Variants in CASR observed in about 807,000 individuals in gnomAD.
The protein encoded by CASR is calcium sensing receptor.
Under a neutral mutation model 69.1 loss-of-function variants are expected in CASR, and 23 were observed. The observed-to-expected ratio is 0.33, with a 90% CI of 0.24 to 0.47. The LOEUF is 0.47. CASR is among the 20% of genes least tolerant of loss of function. The pLI is 1.00. For missense variants in CASR, 924 were observed against 1,356.1 expected (o/e 0.68, Z 5.00); for synonymous variants, 541 against 544.7 (o/e 0.99, Z 0.10).
chr3:122,211,306 A>C (rs1253999081), intron 1 of CASR, among the ~76,000 whole-genome samples: 2 of 152,228 alleles, frequency 1.3e-5, no homozygotes, highest in Non-Finnish European at 2.9e-5. Flanking sequence ...CAGACAACTT[A>C]CAGAATGGGA....
chr3:122,235,525 A>G (rs35458177), intron 1 of CASR, among the ~76,000 whole-genome samples: 1,875 of 152,314 alleles, frequency 0.012, 39 homozygotes, highest in African/African-American at 0.043. Context: ...TTGACAGGAA[A>G]CTGTTGTGTA....
chr3:122,236,001 A>G (rs2107611514), intron 1 of CASR, among the ~76,000 whole-genome samples: 1 of 152,330 alleles, frequency 6.6e-6, no homozygotes, highest in African/African-American at 2.4e-5. Flanking sequence ...CGTGTTTCTA[A>G]CAAGTTCCCA....
At chr3:122,211,193 C>T (rs2074061559) in intron 1 of CASR, among the ~76,000 whole-genome samples, 1 of 151,222 alleles carries the variant, frequency 6.6e-6, no homozygotes. Context: ...GATTTCATGA[C>T]AAAAATGTCA....
chr3:122,272,255 A>G (rs574122274), intron 4 of CASR, among the ~76,000 whole-genome samples: 35 of 152,330 alleles, frequency 2.3e-4, no homozygotes, highest in Non-Finnish European at 1.2e-4. Flanking sequence ...CAAGTTCTCT[A>G]CGTTTCAATC....
intron 1 of CASR, among the ~76,000 whole-genome samples, chr3:122,202,254 C>CA (rs1559936280): frequency 1.3e-5 from 2 of 152,224 alleles, no homozygotes; most frequent in South Asian, 2.1e-4. Context: ...CCGTCTCCAC[C>CA]AAAAAATCCG....
chr3:122,254,365 A>G lies in CASR; in HGVS notation c.176A>G (p.Glu59Gly). ...CTCAAATCAAGGCCGGAGTCTGTGG[A>G]ATGTATCAGGTAAGAAGAGGGGCCT... ...QDLKSRPESV[E>G]CIRYNFRGFR... The change falls in exon 2 of 7, where the codon GAA becomes GGA. Residue 59 changes from glutamate (E) to glycine (G), a missense_variant. Transcript: ENST00000639785. 5.6e-6 allele frequency: 9 copies of G among 1,614,122 alleles called. No individual in the cohort carries two copies. The highest frequency in any genetic ancestry group is 7.6e-6 in the Non-Finnish European group (9 of 1,179,972).
At chr3:122,196,100 A>G (rs1255234062) in intron 1 of CASR, among the ~76,000 whole-genome samples, 1 of 152,222 alleles carries the variant, frequency 6.6e-6, no homozygotes. Context: ...AATTGGCTAA[A>G]TAAAGCATGA....
intron 1 of CASR, among the ~76,000 whole-genome samples, chr3:122,246,081 C>T (rs566515372): frequency 5.3e-5 from 8 of 152,302 alleles, no homozygotes; most frequent in South Asian, 4.1e-4. Flanking sequence ...ATGATTCAAA[C>T]GTTCATGTGT....
chr3:122,219,114 G>A (rs34395935), intron 1 of CASR, among the ~76,000 whole-genome samples: 1 of 152,108 alleles, frequency 6.6e-6, no homozygotes, highest in East Asian at 1.9e-4. Flanking sequence ...GAAGATTTTG[G>A]ATTTTTTTAA....
At chr3:122,188,969 C>T (rs1026219673) in intron 1 of CASR, among the ~76,000 whole-genome samples, 6 of 152,132 alleles carry the variant, frequency 3.9e-5, no homozygotes, top group Admixed American at 6.5e-5. Context: ...GAAAAGCTGC[C>T]GAGAGCTTTA....
rs1252951509 is a variant in CASR, at chr3:122,261,957, C to A, written c.922C>A (p.Pro308Thr). The part of the protein sequence containing the change: ...AWASSSLIAM[P>T]QYFHVVGGTI... ...GGCCAGCTCCTCCCTGATCGCCATG[C>A]CTCAGTACTTCCACGTGGTTGGCGG... is the stretch of plus-strand genomic sequence containing the variant. The change falls in exon 4 of 7, where the codon CCT becomes ACT. Residue 308 changes from proline (P) to threonine (T), a missense_variant. Physicochemically the swap from Pro to Thr is conservative, Grantham distance 38. Transcript: ENST00000639785. The A allele has an allele frequency of 6.2e-7, 1 of 1,614,166 alleles. No homozygotes were observed. Among genetic ancestry groups the A allele is most frequent in the South Asian group, 1.1e-5 (1 of 91,084 alleles).
At chr3:122,204,846 T>C (rs1010602762) in intron 1 of CASR, among the ~76,000 whole-genome samples, 1 of 152,214 alleles carries the variant, frequency 6.6e-6, no homozygotes, top group African/African-American at 2.4e-5. Context: ...TATTTTTTCA[T>C]ATACTTGTCA....
chr3:122,254,242 C>T lies in CASR; in HGVS notation c.53C>T (p.Ser18Phe), dbSNP rs749748004. Residue 18 changes from serine (S) to phenylalanine (F), a missense_variant, in exon 2 of 7, where the codon TCT becomes TTT. Around this residue, in one of 8 missense-constraint regions of CASR, gnomAD observed 28 missense variants for 22.1 expected, o/e 1.27. Transcript: ENST00000639785. Reference sequence around the variant, plus strand: ...CTCTTGGCACTCACCTGGCACACCTCTGCCTACGGGCCAGACCAGCGAGCC... The same window carrying T: ...CTCTTGGCACTCACCTGGCACACCTTTGCCTACGGGCCAGACCAGCGAGCC... ...WVLLALTWHT[S>F]AYGPDQRAQK... is the part of the protein sequence containing the mutation. The T allele has an allele frequency of 1.2e-6, 2 of 1,613,842 alleles. No individual in the cohort carries two copies. Among genetic ancestry groups the T allele is most frequent in the East Asian group, 2.2e-5 (1 of 44,890 alleles).
chr3:122,227,287 C>T lies in CASR; in HGVS notation c.-242-26661C>T, dbSNP rs890789506. On this transcript the variant is annotated intron_variant, in intron 1 of 6. Coordinates refer to ENST00000639785, the MANE Select transcript of CASR (RefSeq NM_000388.4). ...GGGTGGTGCTCATCAGGGAGGCTCC[C>T]GCCACACAGGAGCCCATGGTGGGGG... Among the ~76,000 whole-genome samples, 8 of 152,176 alleles carry T rather than the reference C, an allele frequency of 5.3e-5. No individual in the cohort carries two copies. In the East Asian group the frequency reaches 9.7e-4, roughly 18 times the overall value.
At chr3:122,265,070 T>C (rs2074675740) in intron 4 of CASR, among the ~76,000 whole-genome samples, 1 of 152,224 alleles carries the variant, frequency 6.6e-6, no homozygotes. Flanking sequence ...TTTTTATCTC[T>C]GCTGTCATTT....
At chr3:122,254,884 T>A (rs988933956) in intron 2 of CASR, among the ~76,000 whole-genome samples, 1 of 152,104 alleles carries the variant, frequency 6.6e-6, no homozygotes, top group African/African-American at 2.4e-5. Context: ...CTGTAAAATG[T>A]AGTCCATAGC....
intron 1 of CASR, among the ~76,000 whole-genome samples, chr3:122,252,650 G>A (rs1307175801): frequency 6.6e-6 from 1 of 151,942 alleles, no homozygotes; most frequent in Non-Finnish European, 1.5e-5. Flanking sequence ...AGAATCTACA[G>A]GGCTTAGGGA....
intron 1 of CASR, among the ~76,000 whole-genome samples, chr3:122,227,899 T>G (rs1395877557): frequency 6.6e-6 from 1 of 152,112 alleles, no homozygotes; most frequent in Non-Finnish European, 1.5e-5. Context: ...AGATAAAAAC[T>G]AGTTAAAAAT....
chr3:122,238,684 A>G (rs986535978), intron 1 of CASR, among the ~76,000 whole-genome samples: 1 of 152,168 alleles, frequency 6.6e-6, no homozygotes, highest in Non-Finnish European at 1.5e-5. Context: ...CTGCTTAAGG[A>G]GAGAAGAGCA....
Sources: gnomAD v4.1 joint callset for allele counts (sites outside exome capture counted in the v4.1 genomes callset) on GRCh38, gnomAD v4.1.1 for gene constraint, gnomAD v4.1.1 regional missense constraint, MANE v1.5 for transcripts, NCBI Gene and HGNC (gene_info 2026-07-23, HGNC 2026-07-21) for gene names.